ANAPC1: variants seen among roughly 807,000 people sequenced by gnomAD.
ANAPC1 encodes anaphase promoting complex subunit 1.
A neutral mutation model predicts 208.0 loss-of-function variants in ANAPC1; 36 were observed. The ratio of observed to expected loss-of-function variants is 0.17; its 90% confidence interval spans 0.13 to 0.23. ANAPC1 has a LOEUF of 0.23. ANAPC1 is among the 10% of genes least tolerant of loss of function. The pLI, the probability that ANAPC1 is intolerant of heterozygous loss-of-function variation, is 1.00. For synonymous variants in ANAPC1, 378 were observed against 695.2 expected (o/e 0.54, Z 7.18); for missense variants, 942 against 2,011.6 (o/e 0.47, Z 10.17).
intron 13 of ANAPC1, 62 bp from the exon 14 acceptor site, chr2:111,850,972 T>G: frequency 6.5e-7 from 1 of 1,532,064 alleles, no homozygotes; most frequent in Admixed American, 2.1e-5. Flanking sequence ...TATCCTTAAA[T>G]AAAATGTTAA....
rs1276495647 is a variant in ANAPC1 at position 111,772,363 on chromosome 2, G to A, written c.5697C>T (p.His1899=). ...TACCTTCTAGTCCTATAGGTGGCAG[G>A]TGCTGTGGAGCTGGCACAGAGTGGT... ...LVYHSVPAPQ[H]LPPIGLEGST... is the part of the protein sequence containing the mutation. Residue 1899 remains histidine (H), a synonymous_variant, in exon 47 of 48, where the codon CAC becomes CAT. Coordinates refer to ENST00000341068, the MANE Select transcript of ANAPC1 (RefSeq NM_022662.4). 3.1e-6 allele frequency: 5 copies of A among 1,612,010 alleles called. No individual in the cohort carries two copies. The highest frequency in any genetic ancestry group is 4.2e-6 in the Non-Finnish European group (5 of 1,179,350).
intron 37 of ANAPC1, among the ~76,000 whole-genome samples, chr2:111,792,909 C>T (rs921465656): frequency 1.4e-4 from 22 of 151,948 alleles, no homozygotes; most frequent in Admixed American, 6.5e-5. Context: ...GCCGAGATCG[C>T]GCCACTGCAC....
At position 111,825,179 on chromosome 2, in the gene ANAPC1, C is replaced by T; in HGVS notation, c.2705-12G>A. ...CAACTTCTGGGGGGCTAAAAGGCAA[C>T]AAAATGAAACTTAATTTTGATAGTC... On this transcript the variant is annotated splice_polypyrimidine_tract_variant and intron_variant, in intron 22 of 47. Transcript: ENST00000341068. The T allele has an allele frequency of 6.2e-7, 1 of 1,602,382 alleles. No individual in the cohort carries two copies. The highest frequency in any genetic ancestry group is 8.5e-7 in the Non-Finnish European group (1 of 1,174,556).
chr2:111,797,292 A>G (rs1286107603), intron 34 of ANAPC1, among the ~76,000 whole-genome samples: 1 of 151,860 alleles, frequency 6.6e-6, no homozygotes, highest in Non-Finnish European at 1.5e-5. Context: ...AGAACACTCT[A>G]TATGTCTGAT....
intron 46 of ANAPC1, among the ~76,000 whole-genome samples, chr2:111,776,152 C>G (rs897215336): frequency 1.3e-5 from 2 of 150,522 alleles, no homozygotes; most frequent in Non-Finnish European, 3.0e-5. Context: ...TAGTATTAAC[C>G]CAAAGCAAGC....
Position 111,851,009 on chromosome 2 carries a change from T to C in ANAPC1, c.1516-99A>G, listed in dbSNP as rs1681365278. The C allele has an allele frequency of 1.2e-5, 17 of 1,383,558 alleles. 1 individual carries two copies. In the South Asian group the frequency reaches 2.5e-4, roughly 20 times the overall value. The allele number at this position is 1,383,558 out of a possible 1,614,324, so 85.7% of individuals were successfully genotyped here. A position where few individuals can be genotyped will look rare whatever the true frequency, so the allele number is the denominator to read the frequency against. On this transcript the variant is annotated intron_variant, in intron 13 of 47. Transcript: ENST00000341068. ...GAATATAAACATATATTTCTTTTGA[T>C]ATTTCTAAGTTTATACTCACCAAAC...
intron 21 of ANAPC1, among the ~76,000 whole-genome samples, chr2:111,826,380 C>T (rs1679832319): frequency 6.6e-6 from 1 of 152,194 alleles, no homozygotes; most frequent in Non-Finnish European, 1.5e-5. Context: ...ACACCCAGCA[C>T]TGGAAACAAT....
Position 111,792,525 on chromosome 2 carries a change from T to C in ANAPC1, c.4549A>G (p.Ser1517Gly), listed in dbSNP as rs761148732. 9.3e-6 allele frequency: 15 copies of C among 1,613,782 alleles called. No individual in the cohort carries two copies. Among genetic ancestry groups the C allele is most frequent in the Non-Finnish European group, 1.3e-5 (15 of 1,179,866 alleles). ...ATGGCGAGAGACAGCAGCACCACGC[T>C]CAGACAAGTTTCTAGGTTATGAGGA... is the stretch of plus-strand genomic sequence containing the variant. ...TGPHNLETCL[S>G]VVLLSLAMVM... The change falls in exon 38 of 48, where the codon AGC (serine) becomes GGC (glycine). Residue 1517 changes from serine to glycine, a missense_variant. Coordinates refer to ENST00000341068, the MANE Select transcript of ANAPC1 (RefSeq NM_022662.4).
chr2:111,820,989 T>C (rs1401907815), intron 26 of ANAPC1, among the ~76,000 whole-genome samples: 6 of 150,256 alleles, frequency 4.0e-5, no homozygotes, highest in African/African-American at 9.8e-5. Context: ...AAGTGTTATA[T>C]GTATTTCAAG....
intron 13 of ANAPC1, among the ~76,000 whole-genome samples, chr2:111,853,095 T>G (rs1681499549): frequency 6.6e-6 from 1 of 152,224 alleles, no homozygotes; most frequent in Non-Finnish European, 1.5e-5. Context: ...GGTGCCTTCT[T>G]GGTGATTTGG....
At chr2:111,807,723 C>T (rs1407529646) in intron 29 of ANAPC1, among the ~76,000 whole-genome samples, 8 of 151,996 alleles carry the variant, frequency 5.3e-5, no homozygotes, top group Admixed American at 5.3e-4. Flanking sequence ...TACATTCTGA[C>T]AGTAATTATA....
chr2:111,869,408 T>C (rs1426477104), intron 6 of ANAPC1, among the ~76,000 whole-genome samples: 5 of 152,096 alleles, frequency 3.3e-5, no homozygotes, highest in Non-Finnish European at 7.4e-5. Flanking sequence ...CACGCTTGGC[T>C]AATTTTTTGT....
Position 111,862,509 on chromosome 2 carries a change from T to C in ANAPC1, c.1142A>G (p.His381Arg), listed in dbSNP as rs745903153. 5 of 1,611,586 alleles carry C rather than the reference T, an allele frequency of 3.1e-6. No individual in the cohort carries two copies. Among genetic ancestry groups the C allele is most frequent in the Non-Finnish European group, 4.2e-6 (5 of 1,179,534 alleles). Residue 381 changes from histidine to arginine, a missense_variant, in exon 10 of 48, where the codon CAT becomes CGT. Coordinates refer to ENST00000341068, the MANE Select transcript of ANAPC1 (RefSeq NM_022662.4). Reference protein sequence around the residue: ...ISSHNQSPKRHSISHSPNSNS... With the variant: ...ISSHNQSPKRRSISHSPNSNS... ...ACTATTTGGAGAATGAGAAATACTA[T>C]GTCTCTTTGGAGACTGATTATGGCT...
In ANAPC1 at chr2:111,880,986, A is replaced by G. The variant is rs532309806; in HGVS notation, c.-24-137T>C. 1.9e-5 allele frequency: 15 copies of G among 772,652 alleles called. No homozygotes were observed. The African/African-American group carries it at 2.7e-4, about 14-fold the overall frequency. 47.9% of individuals were successfully genotyped at this position (772,652 alleles called of 1,614,324 possible). A position where few individuals can be genotyped will look rare whatever the true frequency, so the allele number is the denominator to read the frequency against. On this transcript the variant is annotated intron_variant, in intron 1 of 47. Coordinates refer to ENST00000341068, the MANE Select transcript of ANAPC1 (RefSeq NM_022662.4). ...ACTGGTAAGTATATAAGTTGGTCAT[A>G]ACATAAAAGGGCATTCTAGATCTGA...
chr2:111,858,370 T>G lies in ANAPC1; in HGVS notation c.1294A>C (p.Ile432Leu). The G allele has an allele frequency of 6.2e-7, 1 of 1,613,650 alleles. No homozygotes were observed. The highest frequency in any genetic ancestry group is 8.5e-7 in the Non-Finnish European group (1 of 1,179,708). Residue 432 changes from isoleucine (I) to leucine (L), a missense_variant, in exon 11 of 48, where the codon ATT becomes CTT. Coordinates refer to ENST00000341068, the MANE Select transcript of ANAPC1 (RefSeq NM_022662.4). ...EKNSQASKVF[I>L]TSDLCGQKFL... ...TTTTGCCCACATAGGTCAGATGTAA[T>G]AAACACTTTTGAGGCTTGTGAATTT...
chr2:111,769,681 T>C (rs2367693), intron 47 of ANAPC1, among the ~76,000 whole-genome samples: 2 of 127,800 alleles, frequency 1.6e-5, no homozygotes, highest in South Asian at 4.6e-4. Flanking sequence ...CTGGCTTTCT[T>C]TTTTTTTTTT....
At chr2:111,873,981 C>T (rs1451988157) in intron 3 of ANAPC1, among the ~76,000 whole-genome samples, 1 of 151,978 alleles carries the variant, frequency 6.6e-6, no homozygotes, top group African/African-American at 2.4e-5. Flanking sequence ...AGAAACTTTG[C>T]AGCAAAAATT....
intron 29 of ANAPC1, among the ~76,000 whole-genome samples, chr2:111,807,484 G>A (rs1167662059): frequency 6.6e-6 from 1 of 152,186 alleles, no homozygotes; most frequent in Non-Finnish European, 1.5e-5. Flanking sequence ...AAGGTCAGGA[G>A]ATCCAGACTA....
At chr2:111,788,955 G>A (rs1285446270) in intron 38 of ANAPC1, among the ~76,000 whole-genome samples, 11 of 152,144 alleles carry the variant, frequency 7.2e-5, no homozygotes, top group African/African-American at 1.9e-4. Flanking sequence ...TGGCTAACAC[G>A]GTGAAACCCC....
Sources: allele counts gnomAD v4.1 joint callset (sites outside exome capture counted in the v4.1 genomes callset), GRCh38; gene constraint gnomAD v4.1.1; transcripts MANE v1.5; gene names NCBI Gene and HGNC (gene_info 2026-07-23, HGNC 2026-07-21).